The following AOPEP variants were observed in gnomAD, a reference collection of about 807,000 sequenced individuals.
AOPEP encodes the protein aminopeptidase O (putative).
Under a neutral mutation model 98.1 loss-of-function variants are expected in AOPEP, and 77 were observed. The observed-to-expected ratio is 0.78, with a 90% CI of 0.65 to 0.95. AOPEP has a LOEUF of 0.95. AOPEP is among the 40% of genes least tolerant of loss of function. The probability of loss-of-function intolerance (pLI) is 0.00; values close to 1 mark genes in which losing one functional copy is unlikely to be tolerated. For synonymous variants in AOPEP, 346 were observed against 365.3 expected (o/e 0.95, Z 0.60); for missense variants, 1,024 against 1,024.7 (o/e 1.00, Z 0.01).
At chr9:94,826,696 A>C (rs1261026263) in intron 5 of AOPEP, among the ~76,000 whole-genome samples, 1 of 151,956 alleles carries the variant, frequency 6.6e-6, no homozygotes, top group Non-Finnish European at 1.5e-5. Flanking sequence ...GTCATGTGAT[A>C]ATAATGATGG....
In AOPEP at chr9:94,955,202, A is replaced by C. The variant is rs1396697242; in HGVS notation, c.1687A>C (p.Thr563Pro). The change falls in exon 8 of 17, where the codon ACA becomes CCA. Residue 563 changes from threonine to proline, a missense_variant. Physicochemically the swap from Thr to Pro is conservative, Grantham distance 38 (BLOSUM62 -1). This residue lies in a region of AOPEP where 566 missense variants were observed against 551.7 expected (regional missense o/e 1.03). Transcript: ENST00000375315. ...ACCCAGTAAAGACAAAACTGGCCAC[A>C]CAAGTGACTCGGGAGCATCTGTTAT... ...LRPSKDKTGH[T>P]SDSGASVIKH... The C allele has an allele frequency of 6.2e-7, 1 of 1,613,050 alleles. No individual in the cohort carries two copies. The highest frequency in any genetic ancestry group is 1.1e-5 in the South Asian group (1 of 90,732).
At chr9:95,005,664 T>C in intron 13 of AOPEP, 48 bp downstream of exon 13, 1 of 1,495,614 alleles carries the variant, frequency 6.7e-7, no homozygotes, top group Non-Finnish European at 9.3e-7. Context: ...GTAAATCCGC[T>C]TCTGCCCCGT....
intron 5 of AOPEP, among the ~76,000 whole-genome samples, chr9:94,893,171 A>G (rs199625736): frequency 6.6e-6 from 1 of 152,234 alleles, no homozygotes; most frequent in Non-Finnish European, 1.5e-5. Context: ...ACTGAACTCT[A>G]GAGTATTATT....
chr9:95,022,751 G>A (rs1366687853), intron 13 of AOPEP, among the ~76,000 whole-genome samples: 2 of 152,204 alleles, frequency 1.3e-5, no homozygotes, highest in Admixed American at 1.3e-4. Flanking sequence ...TTTGTTGAGA[G>A]TGTTTTACTT....
intron 6 of AOPEP, among the ~76,000 whole-genome samples, chr9:94,927,952 T>A (rs1470919281): frequency 2.0e-5 from 3 of 152,122 alleles, no homozygotes; most frequent in African/African-American, 7.2e-5. Context: ...AGGCAGCACT[T>A]CTAGTTATGT....
chr9:95,064,244 C>T (rs2133969984), intron 14 of AOPEP, among the ~76,000 whole-genome samples: 1 of 152,376 alleles, frequency 6.6e-6, no homozygotes. Flanking sequence ...CGGGCAGTAG[C>T]TGAAGAGGCC....
rs756011414 is a variant in AOPEP, at chr9:94,728,238, T to TGCGCGCGC, written c.-136+1489_-136+1490insGCGCGCGC. ...TTGTGATCCTTCCTGCGTGCGCGCATGCACACACACACACACACACACACA... is the reference window on the plus strand; with the variant it reads ...TTGTGATCCTTCCTGCGTGCGCGCATGCGCGCGCGCACACACACACACACACACACACA... On this transcript the variant is annotated intron_variant, in intron 1 of 16. Coordinates refer to ENST00000375315, the MANE Select transcript of AOPEP (RefSeq NM_001193329.3). 6.4e-4 allele frequency among the ~76,000 whole-genome samples: 52 copies of TGCGCGCGC among 80,926 alleles called. 3 individuals are homozygous for TGCGCGCGC. Among genetic ancestry groups the TGCGCGCGC allele is most frequent in the African/African-American group, 3.1e-3 (51 of 16,340 alleles). 53.1% of individuals were successfully genotyped at this position (80,926 alleles called of 152,430 possible).
At chr9:95,048,250 A>G (rs2066012000) in intron 13 of AOPEP, among the ~76,000 whole-genome samples, 1 of 152,178 alleles carries the variant, frequency 6.6e-6, no homozygotes, top group Admixed American at 6.5e-5. Context: ...CCATATGCAA[A>G]GAGAGAAAGT....
At chr9:94,765,514 T>C (rs1839396836) in intron 2 of AOPEP, among the ~76,000 whole-genome samples, 1 of 149,694 alleles carries the variant, frequency 6.7e-6, no homozygotes, top group South Asian at 2.1e-4. Context: ...GGTGGGAGTA[T>C]TACTTGAGCC....
intron 7 of AOPEP, among the ~76,000 whole-genome samples, chr9:94,942,087 T>C (rs536100956): frequency 2.0e-5 from 3 of 152,260 alleles, no homozygotes; most frequent in Non-Finnish European, 4.4e-5. Context: ...ATTATAATGC[T>C]ATTTGACTAT....
At chr9:95,134,641 C>T in the AOPEP span, among the ~76,000 whole-genome samples, 1 of 152,206 alleles carries the variant, frequency 6.6e-6, no homozygotes, top group Non-Finnish European at 1.5e-5. Context: ...TTCAGGGTGC[C>T]TTGGTCTTTA....
At chr9:94,837,148 G>C (rs969479204) in intron 5 of AOPEP, among the ~76,000 whole-genome samples, 2 of 152,094 alleles carry the variant, frequency 1.3e-5, no homozygotes, top group East Asian at 3.9e-4. Context: ...ACATAAACTA[G>C]AAAACAGAGG....
Position 95,064,390 on chromosome 9 carries a change from G to A in AOPEP, c.2232+3580G>A, listed in dbSNP as rs528671274. On this transcript the variant is annotated intron_variant, in intron 14 of 16. Coordinates refer to ENST00000375315, the MANE Select transcript of AOPEP (RefSeq NM_001193329.3). ...GCTCACTGCAACCTCCAACTCCCAG[G>A]TTCAAGCAGTTCTGCCTCAGCCTCC... 1.5e-4 allele frequency among the ~76,000 whole-genome samples: 23 copies of A among 152,306 alleles called. No homozygotes were observed. In the East Asian group the frequency reaches 2.9e-3, roughly 19 times the overall value.
chr9:94,783,098 G>A (rs1302638155), intron 3 of AOPEP, among the ~76,000 whole-genome samples: 1 of 152,190 alleles, frequency 6.6e-6, no homozygotes, highest in African/African-American at 2.4e-5. Context: ...CAGCTTAAGG[G>A]GAACTGGGTC....
intron 5 of AOPEP, among the ~76,000 whole-genome samples, chr9:94,829,154 C>G (rs1466349965): frequency 6.6e-6 from 1 of 152,022 alleles, no homozygotes; most frequent in African/African-American, 2.4e-5. Flanking sequence ...CAGGCATGAG[C>G]CACTGTGCCT....
chr9:95,056,138 C>T (rs144258124), intron 13 of AOPEP: 1 of 152,318 alleles, frequency 6.6e-6, no homozygotes, highest in African/African-American at 2.4e-5. Context: ...GAAATGGCAT[C>T]AGGGAGGAAG....
rs192972435 is a variant in AOPEP, at chr9:94,889,079, T to A, written c.1365-34907T>A. 3.4e-4 allele frequency among the ~76,000 whole-genome samples: 52 copies of A among 152,206 alleles called. No homozygotes were observed. The East Asian group carries it at 9.7e-3, about 28-fold the overall frequency. The stretch of plus-strand genomic sequence containing the variant: ...CGTGATCTCAGCTCACTGCAACCTC[T>A]GTCTCCTGGGCTCAAGCGATTCTCC... On this transcript the variant is annotated intron_variant, in intron 5 of 16. Transcript: ENST00000375315.
At chr9:94,960,695 C>T (rs1052135184) in intron 9 of AOPEP, among the ~76,000 whole-genome samples, 1 of 152,086 alleles carries the variant, frequency 6.6e-6, no homozygotes, top group Admixed American at 6.5e-5. Context: ...CTCACAGGCT[C>T]TATTTCTGAG....
Position 94,942,904 on chromosome 9 carries a change from CAAAA to C in AOPEP, c.1662-12253_1662-12250del, listed in dbSNP as rs35186299. Among the ~76,000 whole-genome samples, 613 of 82,806 alleles carry C rather than the reference CAAAA, an allele frequency of 7.4e-3. 4 individuals carry two copies. The highest frequency in any genetic ancestry group is 0.06 in the South Asian group (137 of 2,284). 54.3% of individuals were successfully genotyped at this position (82,806 alleles called of 152,430 possible). A position where few individuals can be genotyped will look rare whatever the true frequency, so the allele number is the denominator to read the frequency against. Reference sequence around the variant, plus strand: ...TAGGGGACACAGTGAGAGTCTGTCTCAAAAAAAAAAAAAAAAAAAAAAATCATTT... The same window carrying C: ...TAGGGGACACAGTGAGAGTCTGTCTCAAAAAAAAAAAAAAAAAAATCATTT... On this transcript the variant is annotated intron_variant, in intron 7 of 16. Transcript: ENST00000375315.
Sources: allele counts gnomAD v4.1 joint callset (sites outside exome capture counted in the v4.1 genomes callset), GRCh38; gene constraint gnomAD v4.1.1; regional missense constraint gnomAD v4.1.1; transcripts MANE v1.5; gene names NCBI Gene and HGNC (gene_info 2026-07-23, HGNC 2026-07-21).